P4HA1: variants seen among roughly 807,000 people sequenced by gnomAD.
P4HA1 encodes prolyl 4-hydroxylase subunit alpha-1.
In P4HA1, 24 loss-of-function variants were observed where a neutral mutation model predicts 72.8. That is an observed-to-expected ratio of 0.33 (90% confidence interval 0.24 to 0.46). The LOEUF is 0.46. Among genes scored for constraint, P4HA1 ranks in the 20% least tolerant of loss-of-function variants. P4HA1 has a pLI of 1.00. For missense variants in P4HA1, 446 were observed against 640.6 expected, an observed-to-expected ratio of 0.70 and a Z score of 3.28; for synonymous variants, 201 against 218.8, an observed-to-expected ratio of 0.92 and a Z score of 0.72.
chr10:73,054,027 CT>C (rs1332660482), intron 5 of P4HA1, among the ~76,000 whole-genome samples: 1 of 152,050 alleles, frequency 6.6e-6, no homozygotes, highest in Admixed American at 6.6e-5. Flanking sequence ...AGTGATTCTC[CT>C]GTCTCAGCCT....
chr10:73,054,647 C>A (rs552930074), intron 5 of P4HA1, among the ~76,000 whole-genome samples: 35 of 152,344 alleles, frequency 2.3e-4, no homozygotes, highest in Admixed American at 5.9e-4. Flanking sequence ...TATAGCAACT[C>A]TACGCTTAAC....
At chr10:73,040,056 G>T (rs1172105625) in intron 9 of P4HA1, among the ~76,000 whole-genome samples, 17 of 151,718 alleles carry the variant, frequency 1.1e-4, no homozygotes, top group Admixed American at 1.1e-3. Context: ...TGTAAATAGA[G>T]ACAAGGTCTA....
At chr10:73,089,259 T>C (rs561239696) in intron 1 of P4HA1, among the ~76,000 whole-genome samples, 1 of 152,336 alleles carries the variant, frequency 6.6e-6, no homozygotes. Context: ...ATTATTAGTA[T>C]ATAGAAATAC....
chr10:73,011,089 C>T, intron 12 of P4HA1, 52 bp from the exon 13 acceptor site: 1 of 1,349,252 alleles, frequency 7.4e-7, no homozygotes, highest in Non-Finnish European at 1.1e-6. Context: ...TAAAGTAAAA[C>T]ATGCCATTAT....
chr10:73,061,468 A>G (rs531291427), intron 5 of P4HA1, among the ~76,000 whole-genome samples: 1 of 152,348 alleles, frequency 6.6e-6, no homozygotes, highest in Non-Finnish European at 1.5e-5. Flanking sequence ...GACTTAACAG[A>G]CATAATTTAA....
At chr10:73,035,959 C>T (rs1467102722) in intron 9 of P4HA1, among the ~76,000 whole-genome samples, 2 of 152,028 alleles carry the variant, frequency 1.3e-5, no homozygotes, top group African/African-American at 4.8e-5. Flanking sequence ...GAGACTGAGG[C>T]GGGTGGATCT....
At chr10:73,063,385 A>G (rs985253443) in intron 5 of P4HA1, among the ~76,000 whole-genome samples, 2 of 152,190 alleles carry the variant, frequency 1.3e-5, no homozygotes, top group African/African-American at 4.8e-5. Flanking sequence ...AAGGGCCTTA[A>G]ATCCCATTCC....
chr10:73,072,137 C>A lies in P4HA1; in HGVS notation c.217G>T (p.Asp73Tyr), dbSNP rs201456239. Residue 73 changes from aspartate to tyrosine, a missense_variant, in exon 4 of 15, where the codon GAT becomes TAT. Physicochemically the swap from Asp to Tyr is radical, Grantham distance 160. Transcript: ENST00000394890. ...LDRLTSTATK[D>Y]PEGFVGHPVN... ...GGATGCCCAACAAATCCTTCTGGAT[C>A]TTTTGTCGCTGTACTAGTTAGCCGA... The A allele has an allele frequency of 1.2e-6, 2 of 1,613,450 alleles. No homozygotes were observed. The highest frequency in any genetic ancestry group is 1.7e-6 in the Non-Finnish European group (2 of 1,179,540).
chr10:73,011,153 A>G, intron 12 of P4HA1, 116 bp from the exon 13 acceptor site: 4 of 760,072 alleles, frequency 5.3e-6, no homozygotes, highest in Non-Finnish European at 8.7e-6. Context: ...TTGTTCTTAT[A>G]TAGCATGGTT....
chr10:73,030,746 G>A (rs1292520826), intron 9 of P4HA1, among the ~76,000 whole-genome samples: 3 of 152,142 alleles, frequency 2.0e-5, no homozygotes, highest in Non-Finnish European at 4.4e-5. Context: ...TGACTATGGT[G>A]GAAGTCATGG....
At chr10:73,009,603 G>A in intron 14 of P4HA1, 1 of 488,908 alleles carries the variant, frequency 2.0e-6, no homozygotes, top group Non-Finnish European at 3.7e-6. Flanking sequence ...CTTGGAATAA[G>A]TAAAAATAGT....
At chr10:73,078,255 T>C (rs780712913) in intron 1 of P4HA1, among the ~76,000 whole-genome samples, 16 of 152,074 alleles carry the variant, frequency 1.1e-4, no homozygotes, top group Non-Finnish European at 1.8e-4. Context: ...TCAAACTTAT[T>C]AGTAATTAAT....
intron 5 of P4HA1, among the ~76,000 whole-genome samples, chr10:73,056,286 C>T (rs1467316028): frequency 6.6e-6 from 1 of 152,048 alleles, no homozygotes; most frequent in Admixed American, 6.6e-5. Flanking sequence ...AAGATAATTT[C>T]AATGCTATAG....
chr10:73,069,054 G>A (rs1841490169), intron 4 of P4HA1, 71 bp from the exon 5 acceptor site: 4 of 1,154,540 alleles, frequency 3.5e-6, no homozygotes, highest in African/African-American at 1.6e-5. Flanking sequence ...GACTTAATAA[G>A]GATTGTTCAA....
At chr10:73,055,606 A>C (rs1377182092) in intron 5 of P4HA1, among the ~76,000 whole-genome samples, 1 of 152,166 alleles carries the variant, frequency 6.6e-6, no homozygotes, top group Non-Finnish European at 1.5e-5. Flanking sequence ...CAACTTATTA[A>C]TCTTTCAGCA....
chr10:73,090,540 T>C (rs975977397), intron 1 of P4HA1, among the ~76,000 whole-genome samples: 1 of 152,204 alleles, frequency 6.6e-6, no homozygotes, highest in Non-Finnish European at 1.5e-5. Context: ...ACTGTAAATA[T>C]ATGCAATTTG....
At position 73,044,985 on chromosome 10, in the gene P4HA1, T is replaced by A. The variant is rs1243640018; in HGVS notation, c.1144A>T (p.Lys382Ter). 4.3e-6 allele frequency: 7 copies of A among 1,612,750 alleles called. No individual in the cohort carries two copies. The highest frequency in any genetic ancestry group is 5.9e-6 in the Non-Finnish European group (7 of 1,178,896). ...DLETVHYRIS[K>*]SAWLSGYENP... is the part of the protein sequence containing the mutation. ...TGCAGCATACACATCTCTTACCTTTTGCTAATTCTGTAATGTACCGTCTCC... is the reference window on the plus strand; with the variant it reads ...TGCAGCATACACATCTCTTACCTTTAGCTAATTCTGTAATGTACCGTCTCC... Residue 382 changes from lysine to a stop codon, truncating the protein, a stop_gained, in exon 9 of 15, where the codon AAA becomes TAA. Coordinates refer to ENST00000394890, the MANE Select transcript of P4HA1 (RefSeq NM_001017962.3). LOFTEE classifies it high-confidence loss of function.
intron 1 of P4HA1, among the ~76,000 whole-genome samples, chr10:73,085,781 G>A (rs139202929): frequency 6.6e-6 from 1 of 152,288 alleles, no homozygotes; most frequent in East Asian, 1.9e-4. Context: ...CTATGAAAAT[G>A]CAAATCAATT....
At chr10:73,069,004 G>GA (rs746315551) in intron 4 of P4HA1, 21 bp from the exon 5 acceptor site, 4,912 of 1,507,622 alleles carry the variant, frequency 3.3e-3, no homozygotes, top group South Asian at 4.7e-3. Context: ...ATAAATCAAA[G>GA]AAAAAAAAAC....
Sources: gnomAD v4.1 joint callset for allele counts (sites outside exome capture counted in the v4.1 genomes callset) on GRCh38, gnomAD v4.1.1 for gene constraint, MANE v1.5 for transcripts, NCBI Gene and HGNC (gene_info 2026-07-23, HGNC 2026-07-21) for gene names.